Variants in MDGA2 observed in about 807,000 individuals in gnomAD.
MDGA2 encodes MAM domain containing glycosylphosphatidylinositol anchor 2, also known as MAM domain-containing glycosylphosphatidylinositol anchor protein 2.
A neutral mutation model predicts 117.8 loss-of-function variants in MDGA2; 40 were observed. The observed-to-expected ratio is 0.34, with a 90% CI of 0.26 to 0.44. MDGA2 has a LOEUF of 0.44. Ranked by LOEUF, MDGA2 falls within the 20% of genes least tolerant of loss-of-function variation. MDGA2 has a pLI of 1.00. For missense variants in MDGA2, 1,123 were observed against 1,250.6 expected, an observed-to-expected ratio of 0.90 and a Z score of 1.54; for synonymous variants, 452 against 439.0, an observed-to-expected ratio of 1.03 and a Z score of -0.37.
chr14:47,127,194 C>T lies in MDGA2; in HGVS notation c.925+4520G>A, dbSNP rs1012253561. 3.9e-5 allele frequency among the ~76,000 whole-genome samples: 6 copies of T among 152,206 alleles called. No individual in the cohort carries two copies. In the East Asian group the frequency reaches 7.7e-4, roughly 20 times the overall value. ...AACAGTTTAAAATACAGTAATTTTA[C>T]GTACATCACTTAGAGATTCAAAACA... On this transcript the variant is annotated intron_variant, in intron 5 of 16. Coordinates refer to ENST00000399232, the MANE Select transcript of MDGA2 (RefSeq NM_001113498.3).
chr14:46,873,899 G>GTAAATATC, intron 13 of MDGA2, 146 bp downstream of exon 13: 1 of 717,416 alleles, frequency 1.4e-6, no homozygotes, highest in Non-Finnish European at 2.1e-6. Flanking sequence ...ACAAAGTTTT[G>GTAAATATC]TAAATATCTA....
intron 6 of MDGA2, among the ~76,000 whole-genome samples, chr14:47,087,315 GA>G (rs1405242874): frequency 6.6e-6 from 1 of 151,646 alleles, no homozygotes; most frequent in Non-Finnish European, 1.5e-5. Context: ...AGGTGTTCGA[GA>G]CCAGCCTGGC....
At chr14:46,966,812 T>A (rs113141180) in intron 8 of MDGA2, among the ~76,000 whole-genome samples, 11 of 151,550 alleles carry the variant, frequency 7.3e-5, no homozygotes, top group African/African-American at 2.7e-4. Flanking sequence ...TCTAAATACT[T>A]AGTTCTAATA....
chr14:47,142,077 A>G (rs1012547756), intron 4 of MDGA2, among the ~76,000 whole-genome samples: 5 of 152,198 alleles, frequency 3.3e-5, no homozygotes, highest in Admixed American at 2.6e-4. Context: ...CTTTGATAGT[A>G]TGAAAGATTT....
At chr14:47,129,070 G>A (rs953949150) in intron 5 of MDGA2, among the ~76,000 whole-genome samples, 29 of 151,076 alleles carry the variant, frequency 1.9e-4, no homozygotes, top group East Asian at 5.8e-4. Flanking sequence ...TTAACTATAC[G>A]AAATAGAGCA....
chr14:47,331,312 G>GA (rs955375439), intron 1 of MDGA2, among the ~76,000 whole-genome samples: 1 of 151,764 alleles, frequency 6.6e-6, no homozygotes, highest in African/African-American at 2.4e-5. Flanking sequence ...AGATTAGAAA[G>GA]AAAAATATAA....
At chr14:47,207,204 C>A (rs1392073848) in intron 3 of MDGA2, among the ~76,000 whole-genome samples, 1 of 151,528 alleles carries the variant, frequency 6.6e-6, no homozygotes, top group Non-Finnish European at 1.5e-5. Flanking sequence ...ATATGGGGGT[C>A]AAGAAGCATG....
At chr14:46,854,862 T>C (rs1490512461) in intron 15 of MDGA2, among the ~76,000 whole-genome samples, 162 bp downstream of exon 15, 1 of 152,044 alleles carries the variant, frequency 6.6e-6, no homozygotes, top group Non-Finnish European at 1.5e-5. Context: ...CATTTATCTT[T>C]ATAAAACAGC....
intron 1 of MDGA2, among the ~76,000 whole-genome samples, chr14:47,495,176 C>A (rs941607370): frequency 6.6e-6 from 1 of 151,944 alleles, no homozygotes; most frequent in African/African-American, 2.4e-5. Context: ...AGCAGAAAGT[C>A]AAAAACCACC....
chr14:47,317,763 A>G (rs1437015024), intron 1 of MDGA2, among the ~76,000 whole-genome samples: 1 of 152,042 alleles, frequency 6.6e-6, no homozygotes, highest in Admixed American at 6.6e-5. Context: ...GAACACATAC[A>G]TCACGTTTAG....
chr14:47,561,153 G>GGTTTTT lies in MDGA2; in HGVS notation c.280+113363_280+113364insAAAAAC, dbSNP rs1895797132. ...TACCTCTATCTTTGTTTTTTTTTTT[G>GGTTTTT]TTTTGTTTTGTTTTTTTGTTTGTTT... On this transcript the variant is annotated intron_variant, in intron 1 of 16. Transcript: ENST00000399232. Among the ~76,000 whole-genome samples, 109 of 63,878 alleles carry GGTTTTT rather than the reference G, an allele frequency of 1.7e-3. 13 individuals carry two copies. Among genetic ancestry groups the GGTTTTT allele is most frequent in the East Asian group, 0.016 (11 of 692 alleles). 41.9% of individuals were successfully genotyped at this position (63,878 alleles called of 152,430 possible).
chr14:47,293,245 A>T (rs1418012758), intron 2 of MDGA2, among the ~76,000 whole-genome samples: 1 of 152,220 alleles, frequency 6.6e-6, no homozygotes, highest in Admixed American at 6.5e-5. Context: ...TTCTGTGAAG[A>T]TAGCTCCTAT....
intron 1 of MDGA2, among the ~76,000 whole-genome samples, chr14:47,650,119 C>A (rs1171343826): frequency 6.6e-6 from 1 of 152,092 alleles, no homozygotes; most frequent in Non-Finnish European, 1.5e-5. Flanking sequence ...CAGACCCTTG[C>A]CCAAATAAAG....
chr14:47,000,365 GTATA>G (rs1412735236), intron 8 of MDGA2, among the ~76,000 whole-genome samples: 15 of 51,448 alleles, frequency 2.9e-4, no homozygotes, highest in South Asian at 6.5e-4. Context: ...ACATATATAT[GTATA>G]TATATATTTA....
At chr14:47,170,978 A>G (rs1048149545) in intron 3 of MDGA2, among the ~76,000 whole-genome samples, 1 of 152,178 alleles carries the variant, frequency 6.6e-6, no homozygotes, top group African/African-American at 2.4e-5. Flanking sequence ...TTAAATTGAA[A>G]TATCAAAAGA....
chr14:47,000,946 T>C (rs1233590785), intron 8 of MDGA2, among the ~76,000 whole-genome samples: 1 of 151,860 alleles, frequency 6.6e-6, no homozygotes, highest in African/African-American at 2.4e-5. Context: ...ACAAAGAAAA[T>C]AGGTTAGCTT....
intron 1 of MDGA2, among the ~76,000 whole-genome samples, chr14:47,303,666 A>G (rs2139819040): frequency 6.6e-6 from 1 of 152,244 alleles, no homozygotes; most frequent in East Asian, 1.9e-4. Flanking sequence ...CTTGCAAAAT[A>G]AAATAAAATA....
intron 8 of MDGA2, among the ~76,000 whole-genome samples, chr14:46,960,149 A>C (rs1885737447): frequency 1.3e-5 from 2 of 152,108 alleles, no homozygotes; most frequent in African/African-American, 4.8e-5. Context: ...TGAACCCAGG[A>C]GGCAGAGGTT....
intron 1 of MDGA2, among the ~76,000 whole-genome samples, chr14:47,654,932 G>A (rs949660): frequency 0.29 from 44,218 of 151,952 alleles, 7,001 homozygotes; most frequent in South Asian, 0.45. Context: ...AGGCATTTTT[G>A]ATGTGGGAGG....
Sources: allele counts gnomAD v4.1 joint callset (sites outside exome capture counted in the v4.1 genomes callset), GRCh38; gene constraint gnomAD v4.1.1; transcripts MANE v1.5; gene names NCBI Gene and HGNC (gene_info 2026-07-23, HGNC 2026-07-21).